The following STAC variants were observed in gnomAD, a reference collection of about 807,000 sequenced individuals.
STAC encodes the protein SH3 and cysteine rich domain.
STAC carries 43 observed loss-of-function variants against 48.8 expected under a neutral mutation model. The observed-to-expected ratio is 0.88, with a 90% CI of 0.69 to 1.14. The LOEUF (loss-of-function observed/expected upper bound fraction) is 1.14. Ranked by LOEUF, STAC falls within the 50% of genes most tolerant of loss-of-function variation. The pLI is 0.00. For synonymous variants in STAC, 193 were observed against 179.5 expected (o/e 1.07, Z -0.60); for missense variants, 497 against 504.0 (o/e 0.99, Z 0.13).
chr3:36,527,930 A>G (rs1016694341), intron 8 of STAC, among the ~76,000 whole-genome samples: 4 of 152,184 alleles, frequency 2.6e-5, no homozygotes, highest in African/African-American at 9.6e-5. Context: ...GAGCTAAGCA[A>G]AAGTGTGCTA....
chr3:36,532,191 A>C (rs775845369), intron 10 of STAC, among the ~76,000 whole-genome samples: 1 of 152,158 alleles, frequency 6.6e-6, no homozygotes, highest in Non-Finnish European at 1.5e-5. Flanking sequence ...AATAACCCCA[A>C]GAGGTGTATG....
At chr3:36,452,903 G>T (rs556391457) in intron 2 of STAC, among the ~76,000 whole-genome samples, 8 of 152,344 alleles carry the variant, frequency 5.3e-5, no homozygotes, top group African/African-American at 1.9e-4. Context: ...TTCAGTTGTA[G>T]GTGGGCAAGG....
chr3:36,520,961 C>CA (rs375133440), intron 8 of STAC, among the ~76,000 whole-genome samples: 250 of 152,226 alleles, frequency 1.6e-3, no homozygotes, highest in African/African-American at 5.7e-3. Context: ...AAGACAAAAT[C>CA]AAAATGCAAA....
At chr3:36,493,089 T>G in intron 5 of STAC, 62 bp from the exon 6 acceptor site, 1 of 1,508,970 alleles carries the variant, frequency 6.6e-7, no homozygotes, top group Non-Finnish European at 9.2e-7. Flanking sequence ...CACCAAAGTA[T>G]CTGCTCAATT....
intron 2 of STAC, among the ~76,000 whole-genome samples, chr3:36,481,160 C>A (rs1244709689): frequency 6.6e-6 from 1 of 152,048 alleles, no homozygotes; most frequent in African/African-American, 2.4e-5. Flanking sequence ...GTGTAGAGAG[C>A]TGAGGAATTA....
chr3:36,530,665 G>A (rs968592967), intron 10 of STAC, among the ~76,000 whole-genome samples: 2 of 142,880 alleles, frequency 1.4e-5, no homozygotes, highest in African/African-American at 5.2e-5. Flanking sequence ...GCACAATCTC[G>A]GCTCACAGCA....
intron 1 of STAC, among the ~76,000 whole-genome samples, chr3:36,437,205 G>T: frequency 6.6e-6 from 1 of 150,474 alleles, no homozygotes; most frequent in South Asian, 2.1e-4. Context: ...AACCATTGTG[G>T]AAGTCAGTGT....
At chr3:36,386,300 T>C (rs1699614582) in intron 1 of STAC, among the ~76,000 whole-genome samples, 1 of 152,024 alleles carries the variant, frequency 6.6e-6, no homozygotes, top group Non-Finnish European at 1.5e-5. Context: ...TTTTGCCATT[T>C]TTCTATTGGG....
intron 1 of STAC, among the ~76,000 whole-genome samples, chr3:36,399,872 G>A (rs755032790): frequency 2.0e-5 from 3 of 152,224 alleles, no homozygotes; most frequent in Non-Finnish European, 4.4e-5. Flanking sequence ...GGTTAAGCCA[G>A]CTTTGACCAG....
At position 36,485,965 on chromosome 3, in the gene STAC, G is replaced by A. The variant is rs1380588768; in HGVS notation, c.572-169G>A. The A allele has an allele frequency of 1.3e-5, 8 of 592,896 alleles. No homozygotes were observed. The Admixed American group carries it at 1.4e-4, about 11-fold the overall frequency. 36.7% of individuals were successfully genotyped at this position (592,896 alleles called of 1,614,324 possible). On this transcript the variant is annotated intron_variant, in intron 4 of 10. Coordinates refer to ENST00000273183, the MANE Select transcript of STAC (RefSeq NM_003149.3). ...CTGCAAATGGGAGCATGCTGGGTGG[G>A]GGTGCATCTGTGAGGAACACTTGGC...
rs1004082041 is a variant in STAC, at chr3:36,546,045, T to G, written c.1111-146T>G. ...ATTTTTTATCAAACCTTTTTCTCAC[T>G]GTGCTGGTTTCCCACCCTAAAACTG... On this transcript the variant is annotated intron_variant, in intron 10 of 10. Coordinates refer to ENST00000273183, the MANE Select transcript of STAC (RefSeq NM_003149.3). The G allele has an allele frequency of 1.7e-5, 11 of 629,744 alleles. No homozygotes were observed. The Admixed American group carries it at 3.1e-4, about 18-fold the overall frequency. The allele number at this position is 629,744 out of a possible 1,614,324, so 39.0% of individuals were successfully genotyped here. A position where few individuals can be genotyped will look rare whatever the true frequency, so the allele number is the denominator to read the frequency against.
intron 2 of STAC, among the ~76,000 whole-genome samples, chr3:36,448,910 C>A (rs1487360447): frequency 1.6e-5 from 2 of 124,182 alleles, no homozygotes; most frequent in Non-Finnish European, 3.5e-5. Flanking sequence ...AACCCCCCCC[C>A]CCACTCCCGA....
At chr3:36,504,964 CTTG>C (rs1698366790) in intron 7 of STAC, among the ~76,000 whole-genome samples, 1 of 151,820 alleles carries the variant, frequency 6.6e-6, no homozygotes, top group African/African-American at 2.4e-5. Flanking sequence ...ATAATTTTAA[CTTG>C]TTTATTATAA....
intron 8 of STAC, among the ~76,000 whole-genome samples, chr3:36,525,460 G>A (rs1300658955): frequency 6.6e-6 from 1 of 151,886 alleles, no homozygotes; most frequent in Non-Finnish European, 1.5e-5. Flanking sequence ...CCAAGAGTGA[G>A]TCTCTCAGTA....
intron 8 of STAC, among the ~76,000 whole-genome samples, chr3:36,513,340 C>G (rs140016133): frequency 1.1e-3 from 169 of 152,298 alleles, no homozygotes; most frequent in African/African-American, 4.0e-3. Context: ...CTGCCCAGGC[C>G]TCAAGCCAGC....
At chr3:36,426,860 A>T (rs924536090) in intron 1 of STAC, among the ~76,000 whole-genome samples, 2 of 85,858 alleles carry the variant, frequency 2.3e-5, no homozygotes, top group African/African-American at 8.0e-5. Flanking sequence ...TCTGTTCATC[A>T]CCTCTCGACA....
intron 1 of STAC, among the ~76,000 whole-genome samples, chr3:36,439,126 A>G (rs1696243903): frequency 6.6e-6 from 1 of 152,022 alleles, no homozygotes; most frequent in South Asian, 2.1e-4. Flanking sequence ...GGGGACGGGG[A>G]TTGGAGGAAG....
intron 1 of STAC, among the ~76,000 whole-genome samples, chr3:36,385,888 T>C (rs1699605783): frequency 6.6e-6 from 1 of 152,134 alleles, no homozygotes; most frequent in African/African-American, 2.4e-5. Flanking sequence ...ATTTACCTAC[T>C]CTACTGATGA....
chr3:36,429,587 C>T (rs920529887), intron 1 of STAC, among the ~76,000 whole-genome samples: 1 of 152,278 alleles, frequency 6.6e-6, no homozygotes. Flanking sequence ...CCACCTCAAG[C>T]CTATACACTT....
Sources: gnomAD v4.1 joint callset for allele counts (sites outside exome capture counted in the v4.1 genomes callset) on GRCh38, gnomAD v4.1.1 for gene constraint, MANE v1.5 for transcripts, NCBI Gene and HGNC (gene_info 2026-07-23, HGNC 2026-07-21) for gene names.